The following SH2D4A variants were observed in gnomAD, a reference collection of about 807,000 sequenced individuals.
SH2D4A encodes the protein SH2 domain-containing protein 4A.
SH2D4A carries 70 observed loss-of-function variants against 64.7 expected under a neutral mutation model. The observed-to-expected ratio is 1.08, with a 90% CI of 0.89 to 1.32. The LOEUF (loss-of-function observed/expected upper bound fraction) is 1.32, where lower values mean the gene tolerates loss of function less well. SH2D4A is among the 40% of genes most tolerant of loss of function. The pLI is 0.00. For missense variants in SH2D4A, 706 were observed against 540.1 expected (o/e 1.31, Z -3.04); for synonymous variants, 268 against 200.7 (o/e 1.34, Z -2.83).
chr8:19,373,751 T>G, intron 8 of SH2D4A, 91 bp downstream of exon 8: 1 of 1,465,486 alleles, frequency 6.8e-7, no homozygotes. Context: ...AGCTTCCATT[T>G]ATTGGTGCTG....
At chr8:19,345,430 C>T (rs78540406) in intron 4 of SH2D4A, among the ~76,000 whole-genome samples, 18,783 of 152,244 alleles carry the variant, frequency 0.12, 1,337 homozygotes, top group Middle Eastern at 0.18. Context: ...ACCGTTTCAG[C>T]GAATAAGCCA....
chr8:19,383,712 C>T (rs1021281381), intron 8 of SH2D4A, among the ~76,000 whole-genome samples: 3 of 152,010 alleles, frequency 2.0e-5, no homozygotes, highest in Non-Finnish European at 4.4e-5. Context: ...GTCTTCACAG[C>T]TTCTTTTTTA....
chr8:19,378,071 G>A (rs181419627), intron 8 of SH2D4A, among the ~76,000 whole-genome samples: 5 of 152,206 alleles, frequency 3.3e-5, no homozygotes, highest in Non-Finnish European at 5.9e-5. Context: ...ATTACTGGCT[G>A]GATGAGTAGG....
At chr8:19,329,587 C>T (rs556352353) in intron 2 of SH2D4A, among the ~76,000 whole-genome samples, 246 of 152,248 alleles carry the variant, frequency 1.6e-3, no homozygotes, top group African/African-American at 5.7e-3. Flanking sequence ...GGATCTGTAT[C>T]CCCACCCAAA....
chr8:19,379,664 T>G (rs1050100952), intron 8 of SH2D4A, among the ~76,000 whole-genome samples: 51 of 152,304 alleles, frequency 3.3e-4, no homozygotes, highest in Non-Finnish European at 6.2e-4. Flanking sequence ...CATACTAATT[T>G]TACCTTCCCA....
intron 2 of SH2D4A, among the ~76,000 whole-genome samples, chr8:19,323,569 T>C (rs902266650): frequency 2.0e-5 from 3 of 151,994 alleles, no homozygotes; most frequent in Non-Finnish European, 2.9e-5. Context: ...TTAGTAGAGA[T>C]GGGGTTTCAC....
intron 1 of SH2D4A, among the ~76,000 whole-genome samples, chr8:19,314,824 G>T (rs1451549232): frequency 6.6e-6 from 1 of 152,200 alleles, no homozygotes; most frequent in Non-Finnish European, 1.5e-5. Context: ...AATTTCTGAA[G>T]AATAGTATAT....
At position 19,364,585 on chromosome 8, in the gene SH2D4A, GC is replaced by G. The variant is rs892139400; in HGVS notation, c.917+309del. Among the ~76,000 whole-genome samples the G allele has an allele frequency of 1.6e-3, 216 of 132,434 alleles. 2 individuals are homozygous for G. The highest frequency in any genetic ancestry group is 2.0e-3 in the Non-Finnish European group (118 of 60,074). 86.9% of individuals were successfully genotyped at this position (132,434 alleles called of 152,430 possible). A position where few individuals can be genotyped will look rare whatever the true frequency, so the allele number is the denominator to read the frequency against. On this transcript the variant is annotated intron_variant, in intron 7 of 9. Coordinates refer to ENST00000265807, the MANE Select transcript of SH2D4A (RefSeq NM_022071.4). Reference sequence around the variant, plus strand: ...CCCCACTCTCCCCTTTCCCTCCCCCGCCCCCCTCCCCCCCAGAGGCAGCCGG... The same window carrying G: ...CCCCACTCTCCCCTTTCCCTCCCCCGCCCCCTCCCCCCCAGAGGCAGCCGG...
At chr8:19,322,110 T>C (rs1040207233) in intron 2 of SH2D4A, among the ~76,000 whole-genome samples, 7 of 152,232 alleles carry the variant, frequency 4.6e-5, no homozygotes, top group South Asian at 2.1e-4. Context: ...GTTCCTCTTC[T>C]GACTACAGAA....
At chr8:19,374,735 CT>C (rs2053165395) in intron 8 of SH2D4A, among the ~76,000 whole-genome samples, 1 of 152,102 alleles carries the variant, frequency 6.6e-6, no homozygotes, top group African/African-American at 2.4e-5. Context: ...GTCCCCTCTC[CT>C]TCCCAGGATG....
intron 5 of SH2D4A, among the ~76,000 whole-genome samples, chr8:19,357,600 A>G (rs1164477481): frequency 6.6e-6 from 1 of 152,206 alleles, no homozygotes; most frequent in Non-Finnish European, 1.5e-5. Context: ...ATGGAGCATT[A>G]CACTTGGCAG....
At chr8:19,343,374 A>C (rs887314392) in intron 4 of SH2D4A, among the ~76,000 whole-genome samples, 1 of 152,150 alleles carries the variant, frequency 6.6e-6, no homozygotes, top group Non-Finnish European at 1.5e-5. Context: ...TTGAGGTTTC[A>C]GTGAGCTGTG....
chr8:19,338,675 T>C (rs2117223202), intron 4 of SH2D4A, among the ~76,000 whole-genome samples: 1 of 152,320 alleles, frequency 6.6e-6, no homozygotes, highest in East Asian at 1.9e-4. Flanking sequence ...GGATTCTCTT[T>C]AAGTCTATGG....
chr8:19,393,257 A>G, intron 8 of SH2D4A, 61 bp from the exon 9 acceptor site: 1 of 1,492,006 alleles, frequency 6.7e-7, no homozygotes, highest in South Asian at 1.1e-5. Context: ...GCTGGATTTA[A>G]CAGAGGGGAT....
intron 2 of SH2D4A, among the ~76,000 whole-genome samples, chr8:19,330,134 C>T (rs1487476764): frequency 6.6e-6 from 1 of 152,162 alleles, no homozygotes; most frequent in African/African-American, 2.4e-5. Context: ...ATAGCAAAAA[C>T]TCATTTTCTG....
intron 2 of SH2D4A, among the ~76,000 whole-genome samples, chr8:19,330,387 G>C (rs73599054): frequency 6.6e-6 from 1 of 152,106 alleles, no homozygotes; most frequent in Non-Finnish European, 1.5e-5. Flanking sequence ...TCAAGAGCCC[G>C]TTTTTCAGCA....
intron 4 of SH2D4A, among the ~76,000 whole-genome samples, chr8:19,339,872 A>G (rs1399541407): frequency 6.6e-6 from 1 of 152,150 alleles, no homozygotes; most frequent in Non-Finnish European, 1.5e-5. Flanking sequence ...ATTTACTCAT[A>G]ACATATTTTG....
chr8:19,334,616 A>T lies in SH2D4A; in HGVS notation c.342-70A>T. The T allele has an allele frequency of 5.4e-6, 8 of 1,491,350 alleles. No homozygotes were observed. The South Asian group carries it at 1.1e-4, about 20-fold the overall frequency. 92.4% of individuals were successfully genotyped at this position (1,491,350 alleles called of 1,614,324 possible). On this transcript the variant is annotated intron_variant, in intron 3 of 9. Coordinates refer to ENST00000265807, the MANE Select transcript of SH2D4A (RefSeq NM_022071.4). The stretch of plus-strand genomic sequence containing the variant: ...TGTTTTTCACATAATTTGAATGTCG[A>T]CATATGCTTTGGAAAGGCTCTTCCT...
At chr8:19,351,777 A>G (rs2052708691) in intron 4 of SH2D4A, among the ~76,000 whole-genome samples, 1 of 151,948 alleles carries the variant, frequency 6.6e-6, no homozygotes, top group Non-Finnish European at 1.5e-5. Flanking sequence ...TGACTGTACA[A>G]CCCTACCATT....
Sources: allele counts gnomAD v4.1 joint callset (sites outside exome capture counted in the v4.1 genomes callset), GRCh38; gene constraint gnomAD v4.1.1; transcripts MANE v1.5; gene names NCBI Gene and HGNC (gene_info 2026-07-23, HGNC 2026-07-21).